The following DAPK2 variants were observed in gnomAD, a reference collection of about 807,000 sequenced individuals.
The protein encoded by DAPK2 is death associated protein kinase 2, also known as death-associated protein kinase 2.
DAPK2 carries 35 observed loss-of-function variants against 44.1 expected under a neutral mutation model. That is an observed-to-expected ratio of 0.79 (90% CI 0.61 to 1.05). DAPK2 has a LOEUF of 1.05. DAPK2 is among the 50% of genes least tolerant of loss of function. The pLI, the probability that DAPK2 is intolerant of heterozygous loss-of-function variation, is 0.00. For missense variants in DAPK2, 453 were observed against 483.2 expected (o/e 0.94, Z 0.59); for synonymous variants, 174 against 182.6 (o/e 0.95, Z 0.38).
rs140788025 is a variant in DAPK2 at position 63,983,654 on chromosome 15, C to T, written c.193G>A (p.Gly65Ser). 9.5e-5 allele frequency: 153 copies of T among 1,614,136 alleles called. No homozygotes were observed. The highest frequency in any genetic ancestry group is 1.1e-4 in the Non-Finnish European group (128 of 1,180,030). ...CGCTCGATCTCCTCCCGGCTCACAC[C>T]GCGCCGGCTCGCCCGGCTCTGCCGC... The change falls in exon 2 of 11, where the codon GGT becomes AGT. Residue 65 changes from glycine (G) to serine (S), a missense_variant. Transcript: ENST00000261891.
At chr15:63,919,047 G>A (rs2079003647) in intron 8 of DAPK2, 1 of 152,074 alleles carries the variant, frequency 6.6e-6, no homozygotes, top group Admixed American at 6.6e-5. Flanking sequence ...GAGATAAGCA[G>A]GTCCTGTGGC....
intron 1 of DAPK2, among the ~76,000 whole-genome samples, chr15:64,032,689 A>T (rs916701029): frequency 6.6e-6 from 1 of 152,136 alleles, no homozygotes; most frequent in Admixed American, 6.6e-5. Flanking sequence ...GGTGGTTTAC[A>T]CCTATAATCC....
intron 3 of DAPK2, among the ~76,000 whole-genome samples, chr15:63,951,035 C>G (rs1051377920): frequency 1.3e-5 from 2 of 152,194 alleles, no homozygotes; most frequent in African/African-American, 4.8e-5. Context: ...CCTCTTAACA[C>G]TGTTTATATA....
intron 1 of DAPK2, among the ~76,000 whole-genome samples, chr15:64,005,197 T>C (rs1489303211): frequency 6.6e-6 from 1 of 152,020 alleles, no homozygotes; most frequent in African/African-American, 2.4e-5. Flanking sequence ...TGGTGCTCTG[T>C]CCTGTGGTCT....
At chr15:63,973,312 G>A (rs2078262484) in intron 2 of DAPK2, among the ~76,000 whole-genome samples, 2 of 152,342 alleles carry the variant, frequency 1.3e-5, no homozygotes, top group South Asian at 2.1e-4. Flanking sequence ...TTGGTGTGGG[G>A]GCCAATGTTT....
rs572176182 is a variant in DAPK2, at chr15:64,002,158, G to C, written c.93-18404C>G. Among the ~76,000 whole-genome samples, 3 of 152,312 alleles carry C rather than the reference G, an allele frequency of 2.0e-5. No homozygotes were observed. The East Asian group carries it at 5.8e-4, about 29-fold the overall frequency. On this transcript the variant is annotated intron_variant, in intron 1 of 10. Coordinates refer to ENST00000261891, the Ensembl canonical transcript of DAPK2. ...AGAGCCAAGCTCAGGGCCCTGGGGAGAGTGGCACAGTCAACCTCCAAGGTG... is the reference window on the plus strand; with the variant it reads ...AGAGCCAAGCTCAGGGCCCTGGGGACAGTGGCACAGTCAACCTCCAAGGTG...
chr15:64,008,385 C>T (rs1199884779), intron 1 of DAPK2, among the ~76,000 whole-genome samples: 1 of 152,194 alleles, frequency 6.6e-6, no homozygotes, highest in Non-Finnish European at 1.5e-5. Flanking sequence ...AGTTGAGACT[C>T]ACAGAGTTAC....
At chr15:64,034,022 C>A (rs1337854071) in intron 1 of DAPK2, among the ~76,000 whole-genome samples, 1 of 151,992 alleles carries the variant, frequency 6.6e-6, no homozygotes, top group Non-Finnish European at 1.5e-5. Flanking sequence ...CTCTTCATAA[C>A]TTTATGACAT....
chr15:63,987,317 G>A (rs756874032), intron 1 of DAPK2, among the ~76,000 whole-genome samples: 23 of 152,246 alleles, frequency 1.5e-4, no homozygotes, highest in Non-Finnish European at 2.8e-4. Flanking sequence ...TGCAGAAGTC[G>A]CCAGCTAGGC....
intron 3 of DAPK2, among the ~76,000 whole-genome samples, chr15:63,960,688 T>C (rs1029984528): frequency 3.3e-5 from 5 of 152,260 alleles, no homozygotes; most frequent in Admixed American, 6.5e-5. Context: ...TCCCGAGTTA[T>C]AGTTTGATTG....
chr15:64,016,159 A>G (rs2079520060), intron 1 of DAPK2, among the ~76,000 whole-genome samples: 1 of 152,184 alleles, frequency 6.6e-6, no homozygotes, highest in African/African-American at 2.4e-5. Flanking sequence ...CCTCTCTCTC[A>G]GGTACTGCCG....
intron 4 of DAPK2, among the ~76,000 whole-genome samples, chr15:63,933,028 C>A (rs896320178): frequency 2.0e-5 from 3 of 151,304 alleles, no homozygotes; most frequent in Admixed American, 6.6e-5. Flanking sequence ...TTGCTATGAA[C>A]TTTTTTTTTG....
chr15:63,912,729 G>A lies in DAPK2; in HGVS notation c.859-532C>T, dbSNP rs929576997. 6.6e-6 allele frequency among the ~76,000 whole-genome samples: 1 copy of A among 152,216 alleles called. No individual in the cohort carries two copies. The highest frequency in any genetic ancestry group is 1.5e-5 in the Non-Finnish European group (1 of 68,034). Reference sequence around the variant, plus strand: ...GCTTAAATTTTGACTTCTCCAAGAAGCTTGGGATGGCTTCTCTGAGCCTCA... The same window carrying A: ...GCTTAAATTTTGACTTCTCCAAGAAACTTGGGATGGCTTCTCTGAGCCTCA... On this transcript the variant is annotated intron_variant, in intron 8 of 10. Transcript: ENST00000261891. The surrounding 1 kb of genome is among the most constrained non-coding windows in gnomAD (Gnocchi z 4.4).
chr15:63,929,477 C>G, intron 6 of DAPK2, 74 bp downstream of exon 7: 1 of 1,585,638 alleles, frequency 6.3e-7, no homozygotes, highest in Non-Finnish European at 8.7e-7. Flanking sequence ...AGTCTATCAG[C>G]CTGCCCCTCT....
intron 1 of DAPK2, among the ~76,000 whole-genome samples, chr15:63,986,007 G>A (rs553066020): frequency 4.6e-5 from 7 of 152,304 alleles, no homozygotes; most frequent in Non-Finnish European, 7.4e-5. Flanking sequence ...GGGTGACTAC[G>A]ATGGCGCCAA....
intron 3 of DAPK2, among the ~76,000 whole-genome samples, chr15:63,965,878 TCCAGAAATG>T (rs921924326): frequency 3.2e-4 from 48 of 152,230 alleles, no homozygotes; most frequent in African/African-American, 1.2e-3. Flanking sequence ...CCAGGGTAGG[TCCAGAAATG>T]CTGTCTAAGA....
chr15:63,918,848 C>T (rs2078998226), intron 8 of DAPK2: 1 of 152,182 alleles, frequency 6.6e-6, no homozygotes, highest in African/African-American at 2.4e-5. Flanking sequence ...CTGTGCGGCT[C>T]CCCCACCAAA....
At chr15:63,943,711 A>T (rs1362598466) in intron 3 of DAPK2, among the ~76,000 whole-genome samples, 3 of 28,532 alleles carry the variant, frequency 1.1e-4, no homozygotes, top group Non-Finnish European at 1.5e-4. Context: ...CGACTCTACT[A>T]AAAAAAATAC....
chr15:63,935,996 A>G (rs1266267038), intron 4 of DAPK2: 4 of 152,136 alleles, frequency 2.6e-5, no homozygotes, highest in Non-Finnish European at 5.9e-5. Context: ...CATTTTTGAC[A>G]CCTCTTGTTG....
Sources: gnomAD v4.1 joint callset for allele counts (sites outside exome capture counted in the v4.1 genomes callset) on GRCh38, gnomAD v4.1.1 for gene constraint, Gnocchi (gnomAD v3.1) non-coding constraint, MANE v1.5 for transcripts, NCBI Gene and HGNC (gene_info 2026-07-23, HGNC 2026-07-21) for gene names.